Variants in CAMTA1 observed in about 807,000 individuals in gnomAD.
The protein encoded by CAMTA1 is calmodulin binding transcription activator 1.
A neutral mutation model predicts 170.9 loss-of-function variants in CAMTA1; 27 were observed. The ratio of observed to expected loss-of-function variants is 0.16; its 90% CI spans 0.12 to 0.22. The LOEUF is 0.22. Among genes scored for constraint, CAMTA1 ranks in the 10% least tolerant of loss-of-function variants. The pLI is 1.00. For synonymous variants in CAMTA1, 833 were observed against 891.5 expected (o/e 0.93, Z 1.17); for missense variants, 1,619 against 2,217.2 (o/e 0.73, Z 5.42).
At chr1:7,278,731 C>T (rs1671091808) in intron 5 of CAMTA1, among the ~76,000 whole-genome samples, 1 of 152,178 alleles carries the variant, frequency 6.6e-6, no homozygotes, top group African/African-American at 2.4e-5. Context: ...TATTGAGCAC[C>T]TTCCACAGGC....
At chr1:6,814,517 C>G (rs1645556654) in intron 1 of CAMTA1, among the ~76,000 whole-genome samples, 1 of 152,190 alleles carries the variant, frequency 6.6e-6, no homozygotes. Flanking sequence ...AGAAGGAGCA[C>G]AGGCAGCAGA....
intron 5 of CAMTA1, among the ~76,000 whole-genome samples, chr1:7,370,864 G>A (rs17030756): frequency 0.026 from 3,866 of 149,710 alleles, 111 homozygotes; most frequent in African/African-American, 0.066. Context: ...TTCAGAGCCC[G>A]CCATTATTGC....
intron 4 of CAMTA1, among the ~76,000 whole-genome samples, chr1:7,153,311 C>T (rs1261373773): frequency 6.6e-6 from 1 of 152,086 alleles, no homozygotes; most frequent in Non-Finnish European, 1.5e-5. Flanking sequence ...GATCTTTTGT[C>T]ATTTGGTATA....
At position 7,724,483 on chromosome 1, in the gene CAMTA1, G is replaced by A. The variant is rs116468313; in HGVS notation, c.2915-7965G>A. On this transcript the variant is annotated intron_variant, in intron 11 of 22. Coordinates refer to ENST00000303635, the MANE Select transcript of CAMTA1 (RefSeq NM_015215.4). ...AACCATGCTCCCATAGATGGGGCTG[G>A]GCAGAAGGCCCCAGTCTACTAGCTC... is the stretch of plus-strand genomic sequence containing the variant. Among the ~76,000 whole-genome samples, 547 of 152,216 alleles carry A rather than the reference G, an allele frequency of 3.6e-3. 5 individuals are homozygous for A. The highest frequency in any genetic ancestry group is 0.012 in the African/African-American group (519 of 41,542).
chr1:7,221,396 G>A lies in CAMTA1; in HGVS notation c.303-28095G>A, dbSNP rs1054646875. ...GTAACACACCCAGAGTCTTGCCTTC[G>A]GGGGCTTTCACGAGCAGAGCCATTG... On this transcript the variant is annotated intron_variant, in intron 4 of 22. Coordinates refer to ENST00000303635, the MANE Select transcript of CAMTA1 (RefSeq NM_015215.4). 6.6e-5 allele frequency among the ~76,000 whole-genome samples: 10 copies of A among 152,196 alleles called. No homozygotes were observed. In the South Asian group the frequency reaches 1.5e-3, roughly 22 times the overall value.
Position 7,416,757 on chromosome 1 carries a change from A to G in CAMTA1, c.439-51073A>G, listed in dbSNP as rs545583760. ...GATTGTCTGAAGACTTCTTCTCTCA[A>G]CTCGTCAAAGTCATTCTCCGTCCAG... On this transcript the variant is annotated intron_variant, in intron 5 of 22. Transcript: ENST00000303635. Among the ~76,000 whole-genome samples the G allele has an allele frequency of 5.3e-5, 8 of 152,182 alleles. No homozygotes were observed. In the East Asian group the frequency reaches 1.4e-3, roughly 26 times the overall value.
At chr1:7,615,195 C>T (rs1016412530) in intron 6 of CAMTA1, among the ~76,000 whole-genome samples, 1 of 152,334 alleles carries the variant, frequency 6.6e-6, no homozygotes, top group South Asian at 2.1e-4. Flanking sequence ...AGAGGGGCAG[C>T]CTTAGGACCT....
rs984601978 is a variant in CAMTA1, at chr1:7,463,849, G to C, written c.439-3981G>C. 1.1e-4 allele frequency among the ~76,000 whole-genome samples: 17 copies of C among 152,240 alleles called. No individual in the cohort carries two copies. The highest frequency in any genetic ancestry group is 1.0e-4 in the Non-Finnish European group (7 of 68,044). ...CTCTTTGGTGTGGGACCCCCACTGC[G>C]TTTGAGGGGGCTCTGCGGCCATGCT... On this transcript the variant is annotated intron_variant, in intron 5 of 22. Coordinates refer to ENST00000303635, the MANE Select transcript of CAMTA1 (RefSeq NM_015215.4). The surrounding 1 kb of genome is among the most constrained non-coding windows in gnomAD (Gnocchi z 4.7).
chr1:6,990,818 TA>T (rs1212029580), intron 3 of CAMTA1, among the ~76,000 whole-genome samples: 10 of 147,246 alleles, frequency 6.8e-5, no homozygotes, highest in African/African-American at 1.0e-4. Flanking sequence ...TATATATATA[TA>T]TTTATATATA....
intron 3 of CAMTA1, among the ~76,000 whole-genome samples, chr1:6,848,165 TTTG>T (rs1020963913): frequency 1.1e-4 from 17 of 152,032 alleles, no homozygotes; most frequent in African/African-American, 3.4e-4. Flanking sequence ...AACAGATTTT[TTTG>T]TTGTTGTTTT....
At chr1:7,418,450 T>G (rs2149300197) in intron 5 of CAMTA1, among the ~76,000 whole-genome samples, 1 of 152,266 alleles carries the variant, frequency 6.6e-6, no homozygotes, top group South Asian at 2.1e-4. Flanking sequence ...CCGCCCACCT[T>G]GGCCTCCCAA....
chr1:7,403,368 G>T (rs530616369), intron 5 of CAMTA1, among the ~76,000 whole-genome samples: 11 of 152,138 alleles, frequency 7.2e-5, no homozygotes, highest in African/African-American at 2.6e-4. Flanking sequence ...GAAAGAAAAT[G>T]ATATTAATCC....
At chr1:7,214,397 C>CACTCTGTCGAA (rs113142017) in intron 4 of CAMTA1, among the ~76,000 whole-genome samples, 8,885 of 152,006 alleles carry the variant, frequency 0.058, 839 homozygotes, top group African/African-American at 0.2. Flanking sequence ...GACAGAGTTT[C>CACTCTGTCGAA]ACTCTGTCAC....
intron 3 of CAMTA1, among the ~76,000 whole-genome samples, chr1:7,072,282 G>A (rs959043995): frequency 2.0e-5 from 3 of 152,180 alleles, no homozygotes; most frequent in Non-Finnish European, 2.9e-5. Flanking sequence ...GACTTTTGAG[G>A]TTGTCAGGCA....
At chr1:6,810,735 C>T (rs780422630) in intron 1 of CAMTA1, among the ~76,000 whole-genome samples, 9 of 152,072 alleles carry the variant, frequency 5.9e-5, no homozygotes, top group East Asian at 1.9e-4. Context: ...AACCCGGAGG[C>T]GGAGCTTGCA....
chr1:7,457,984 T>A (rs1030324587), intron 5 of CAMTA1, among the ~76,000 whole-genome samples: 3 of 151,662 alleles, frequency 2.0e-5, no homozygotes, highest in African/African-American at 7.3e-5. Flanking sequence ...TGCCTCATGA[T>A]GGGGTGGGGC....
intron 4 of CAMTA1, among the ~76,000 whole-genome samples, chr1:7,176,319 C>T (rs566897121): frequency 2.0e-5 from 3 of 152,340 alleles, no homozygotes; most frequent in Admixed American, 2.0e-4. Flanking sequence ...AACCCACACT[C>T]AAGGCATTCT....
intron 5 of CAMTA1, among the ~76,000 whole-genome samples, chr1:7,451,092 C>T (rs966842638): frequency 6.6e-6 from 1 of 152,192 alleles, no homozygotes; most frequent in Non-Finnish European, 1.5e-5. Flanking sequence ...AGGCCCCAGA[C>T]CCTGCTGAGG....
intron 4 of CAMTA1, among the ~76,000 whole-genome samples, chr1:7,167,893 C>T (rs1558195486): frequency 6.6e-6 from 1 of 152,192 alleles, no homozygotes; most frequent in Non-Finnish European, 1.5e-5. Context: ...GGACTACAGG[C>T]ATGTGCCACC....
Sources: gnomAD v4.1 joint callset for allele counts (sites outside exome capture counted in the v4.1 genomes callset) on GRCh38, gnomAD v4.1.1 for gene constraint, Gnocchi (gnomAD v3.1) non-coding constraint, MANE v1.5 for transcripts, NCBI Gene and HGNC (gene_info 2026-07-23, HGNC 2026-07-21) for gene names.